Variants in WDPCP observed in about 807,000 individuals in gnomAD.
The protein encoded by WDPCP is WD repeat containing planar cell polarity effector.
Under a neutral mutation model 93.1 loss-of-function variants are expected in WDPCP, and 71 were observed. The observed-to-expected ratio is 0.76, with a 90% CI of 0.63 to 0.93. The LOEUF (loss-of-function observed/expected upper bound fraction) is 0.93, where lower values mean the gene tolerates loss of function less well. Among genes scored for constraint, WDPCP ranks in the 40% least tolerant of loss-of-function variants. The pLI is 0.00. For synonymous variants in WDPCP, 315 were observed against 315.0 expected (o/e 1.00, Z 0.00); for missense variants, 844 against 887.4 (o/e 0.95, Z 0.62).
At chr2:63,524,186 T>A (rs1424941134) in intron 1 of WDPCP, among the ~76,000 whole-genome samples, 1 of 152,136 alleles carries the variant, frequency 6.6e-6, no homozygotes, top group Non-Finnish European at 1.5e-5. Flanking sequence ...ATACTGCCCA[T>A]AAGCAATGTT....
At chr2:63,722,561 G>T (rs965478754) in intron 2 of WDPCP, among the ~76,000 whole-genome samples, 3 of 124,292 alleles carry the variant, frequency 2.4e-5, no homozygotes, top group Non-Finnish European at 3.6e-5. Flanking sequence ...AGGGAGGTGG[G>T]GGGGGGTCAG....
At chr2:63,664,624 C>A (rs1710263700) in intron 2 of WDPCP, among the ~76,000 whole-genome samples, 1 of 152,070 alleles carries the variant, frequency 6.6e-6, no homozygotes, top group African/African-American at 2.4e-5. Context: ...GAGGCAGAAG[C>A]TGTTAATGTA....
intron 14 of WDPCP, among the ~76,000 whole-genome samples, chr2:63,217,376 C>T (rs1377084520): frequency 6.6e-6 from 1 of 152,122 alleles, no homozygotes; most frequent in African/African-American, 2.4e-5. Flanking sequence ...TACTATCTGG[C>T]CCTTTACAGA....
chr2:63,355,533 A>G (rs879732032), intron 12 of WDPCP, among the ~76,000 whole-genome samples: 1 of 152,162 alleles, frequency 6.6e-6, no homozygotes, highest in Non-Finnish European at 1.5e-5. Flanking sequence ...CTATCAAGCA[A>G]CCATACAAAC....
chr2:63,751,817 T>C, intron 2 of WDPCP: 1 of 666,926 alleles, frequency 1.5e-6, no homozygotes, highest in African/African-American at 1.8e-5. Flanking sequence ...GTTCTCCCAT[T>C]CATGGGTCCA....
At chr2:63,700,282 CAA>C (rs1196006011) in intron 2 of WDPCP, among the ~76,000 whole-genome samples, 1 of 41,572 alleles carries the variant, frequency 2.4e-5, no homozygotes, top group African/African-American at 1.0e-4. Context: ...GACCCTGTCT[CAA>C]AAAAAAAAAA....
At chr2:63,295,647 C>T (rs1684789075) in intron 13 of WDPCP, among the ~76,000 whole-genome samples, 1 of 151,826 alleles carries the variant, frequency 6.6e-6, no homozygotes, top group African/African-American at 2.4e-5. Context: ...TATATACACA[C>T]ATAAACCAGA....
At chr2:63,561,271 G>A (rs57840658) in intron 1 of WDPCP, among the ~76,000 whole-genome samples, 3,041 of 152,202 alleles carry the variant, frequency 0.02, 117 homozygotes, top group African/African-American at 0.069. Context: ...GAGGTCAGGA[G>A]ATTGAGACCA....
intron 1 of WDPCP, among the ~76,000 whole-genome samples, chr2:63,544,933 T>TAA (rs1193780567): frequency 6.6e-6 from 1 of 152,196 alleles, no homozygotes; most frequent in Non-Finnish European, 1.5e-5. Context: ...TTCTACATTT[T>TAA]AATCAGGCAT....
chr2:63,594,530 A>G (rs1190239641), intron 3 of WDPCP: 1 of 1,613,862 alleles, frequency 6.2e-7, no homozygotes, highest in African/African-American at 1.3e-5. Context: ...AGCTGGTCAA[A>G]TTGCATATTC....
At chr2:63,136,559 C>T (rs1397594263) in intron 17 of WDPCP, among the ~76,000 whole-genome samples, 3 of 151,914 alleles carry the variant, frequency 2.0e-5, no homozygotes, top group African/African-American at 7.3e-5. Context: ...TTTAACTTTT[C>T]GGTTCAGGAA....
intron 14 of WDPCP, among the ~76,000 whole-genome samples, chr2:63,186,502 A>G (rs1674649510): frequency 6.6e-6 from 1 of 152,234 alleles, no homozygotes; most frequent in Non-Finnish European, 1.5e-5. Flanking sequence ...AGGTCTGAGA[A>G]AAATACTGGA....
intron 13 of WDPCP, among the ~76,000 whole-genome samples, chr2:63,304,089 A>G (rs1685538252): frequency 6.6e-6 from 1 of 152,188 alleles, no homozygotes; most frequent in Non-Finnish European, 1.5e-5. Flanking sequence ...TGTTTTACAA[A>G]GAACTAAAAA....
intron 3 of WDPCP, among the ~76,000 whole-genome samples, chr2:63,638,789 GAAAAAAAGAAAAA>G (rs113199391): frequency 0.011 from 1,427 of 134,554 alleles, 24 homozygotes; most frequent in African/African-American, 0.036. Context: ...CTTCTGTCTC[GAAAAAAAGAAAAA>G]AAAAAAAGGA....
intron 1 of WDPCP, chr2:63,571,574 C>T (rs1038802999): frequency 2.1e-6 from 1 of 471,090 alleles, no homozygotes; most frequent in Admixed American, 2.3e-5. Context: ...CTCTCCAGTG[C>T]CTTCAGAGAG....
chr2:63,778,260 T>A (rs1013521752), intron 2 of WDPCP, among the ~76,000 whole-genome samples: 7 of 151,664 alleles, frequency 4.6e-5, no homozygotes, highest in East Asian at 1.9e-4. Context: ...CAGGCTGGAG[T>A]GCAGTGGCGC....
intron 1 of WDPCP, among the ~76,000 whole-genome samples, chr2:63,583,945 A>G (rs941859288): frequency 6.6e-5 from 10 of 152,116 alleles, no homozygotes; most frequent in Non-Finnish European, 1.3e-4. Flanking sequence ...ATCTCAAAGA[A>G]GAATAAGAAA....
At chr2:63,344,244 C>A (rs997887551) in intron 12 of WDPCP, among the ~76,000 whole-genome samples, 1 of 152,164 alleles carries the variant, frequency 6.6e-6, no homozygotes, top group Non-Finnish European at 1.5e-5. Context: ...TATTCCTTGT[C>A]ATTTGTGGTC....
At chr2:63,638,873 A>T (rs1709950410) in intron 3 of WDPCP, among the ~76,000 whole-genome samples, 1 of 152,138 alleles carries the variant, frequency 6.6e-6, no homozygotes, top group South Asian at 2.1e-4. Context: ...ACACACCTCT[A>T]GGGTGGCTGA....
Sources: allele counts gnomAD v4.1 joint callset (sites outside exome capture counted in the v4.1 genomes callset), GRCh38; gene constraint gnomAD v4.1.1; transcripts MANE v1.5; gene names NCBI Gene and HGNC (gene_info 2026-07-23, HGNC 2026-07-21).